ATP2C2: variants seen among roughly 807,000 people sequenced by gnomAD.
ATP2C2 encodes the protein calcium-transporting ATPase type 2C member 2.
ATP2C2 carries 171 observed loss-of-function variants against 110.8 expected under a neutral mutation model. That is an observed-to-expected ratio of 1.54 (90% CI 1.36 to 1.75). ATP2C2 has a LOEUF of 1.75. ATP2C2 is among the 40% of genes most tolerant of loss of function. The pLI is 0.00. For missense variants in ATP2C2, 1,963 were observed against 1,235.0 expected (o/e 1.59, Z -8.84); for synonymous variants, 804 against 508.4 (o/e 1.58, Z -7.82).
At chr16:84,419,641 C>G (rs945784180) in intron 7 of ATP2C2, among the ~76,000 whole-genome samples, 1 of 42,150 alleles carries the variant, frequency 2.4e-5, no homozygotes, top group African/African-American at 9.0e-5. Flanking sequence ...CCTCCCTCCT[C>G]CCTTCCCTTG....
intron 2 of ATP2C2, among the ~76,000 whole-genome samples, chr16:84,401,167 C>T (rs1905293233): frequency 6.6e-6 from 1 of 151,834 alleles, no homozygotes; most frequent in South Asian, 2.1e-4. Flanking sequence ...GGAGAGTTTC[C>T]CCGATGTTCT....
At chr16:84,416,683 C>G (rs1567708700) in intron 7 of ATP2C2, among the ~76,000 whole-genome samples, 1 of 152,278 alleles carries the variant, frequency 6.6e-6, no homozygotes, top group East Asian at 1.9e-4. Context: ...TGTTCAGTTA[C>G]CAAAGTGAGG....
chr16:84,412,355 C>CAT (rs1555557490), intron 6 of ATP2C2, among the ~76,000 whole-genome samples: 156 of 91,494 alleles, frequency 1.7e-3, no homozygotes, highest in Non-Finnish European at 1.8e-3. Flanking sequence ...TGTCTGCGTG[C>CAT]GTGTGTGCAT....
chr16:84,400,590 G>A (rs971553724), intron 2 of ATP2C2, among the ~76,000 whole-genome samples: 2 of 152,158 alleles, frequency 1.3e-5, no homozygotes, highest in African/African-American at 2.4e-5. Context: ...GCCTCCCAAA[G>A]TGCTGGGATT....
At chr16:84,373,521 G>A (rs1325417290) in intron 1 of ATP2C2, among the ~76,000 whole-genome samples, 1 of 151,452 alleles carries the variant, frequency 6.6e-6, no homozygotes, top group African/African-American at 2.4e-5. Context: ...AACAAAAAAA[G>A]AGACTGGAAA....
At chr16:84,413,884 C>A (rs143350865) in intron 6 of ATP2C2, among the ~76,000 whole-genome samples, 1 of 152,120 alleles carries the variant, frequency 6.6e-6, no homozygotes, top group African/African-American at 2.4e-5. Context: ...TGAGGTTATA[C>A]AAGTGGAAGA....
intron 1 of ATP2C2, among the ~76,000 whole-genome samples, chr16:84,373,822 G>C (rs17740111): frequency 0.17 from 25,216 of 152,142 alleles, 2,283 homozygotes; most frequent in East Asian, 0.29. Flanking sequence ...TTCATTCATC[G>C]TAAGTTCTGT....
intron 1 of ATP2C2, among the ~76,000 whole-genome samples, chr16:84,378,920 C>T (rs1400498516): frequency 6.6e-6 from 1 of 152,118 alleles, no homozygotes; most frequent in African/African-American, 2.4e-5. Context: ...TTCTCTTTTT[C>T]AGCCTCTACT....
chr16:84,375,834 T>A (rs566668622), intron 1 of ATP2C2, among the ~76,000 whole-genome samples: 1 of 152,204 alleles, frequency 6.6e-6, no homozygotes, highest in South Asian at 2.1e-4. Flanking sequence ...CAGCCACAAA[T>A]ATGGTTTAAT....
In ATP2C2 at chr16:84,446,414, G is replaced by A. The variant is rs1478654271; in HGVS notation, c.1487G>A (p.Cys496Tyr). 1 of 1,603,576 alleles carries A rather than the reference G, an allele frequency of 6.2e-7. No homozygotes were observed. The highest frequency in any genetic ancestry group is 8.5e-7 in the Non-Finnish European group (1 of 1,175,596). The change falls in exon 16 of 27, where the codon TGC (cysteine) becomes TAC (tyrosine). Residue 496 changes from cysteine (C) to tyrosine (Y), a missense_variant. Cys to Tyr is a radical substitution (Grantham distance 194). Transcript: ENST00000262429. ...SSEQKWMAVKCSLKTEDQEDI... is the reference protein window; with the variant it reads ...SSEQKWMAVKYSLKTEDQEDI... ...GAGCAGAAGTGGATGGCGGTGAAAT[G>A]CAGTCTGAAGACTGAGGTGAGACCT...
In ATP2C2 at chr16:84,463,811, G is replaced by A; in HGVS notation, c.*79G>A. Reference sequence around the variant, plus strand: ...GGCCCCTGCCGTGTCTCCTCGTCAGGGGAGACTTTTAGGAGGCCGCAGCCT... The same window carrying A: ...GGCCCCTGCCGTGTCTCCTCGTCAGAGGAGACTTTTAGGAGGCCGCAGCCT... On this transcript the variant is annotated 3_prime_UTR_variant, in exon 27 of 27. Coordinates refer to ENST00000262429, the MANE Select transcript of ATP2C2 (RefSeq NM_014861.4). The A allele has an allele frequency of 6.1e-6, 8 of 1,303,962 alleles. No homozygotes were observed. Among genetic ancestry groups the A allele is most frequent in the Non-Finnish European group, 8.8e-6 (8 of 906,174 alleles). The allele number at this position is 1,303,962 out of a possible 1,614,324, so 80.8% of individuals were successfully genotyped here.
chr16:84,441,732 C>G (rs907736233), intron 14 of ATP2C2, among the ~76,000 whole-genome samples: 1 of 152,180 alleles, frequency 6.6e-6, no homozygotes, highest in Non-Finnish European at 1.5e-5. Context: ...ACCAGCCTGG[C>G]CCACGTGGTG....
At chr16:84,407,598 G>A (rs1327106367) in intron 3 of ATP2C2, 2 of 152,198 alleles carry the variant, frequency 1.3e-5, no homozygotes, top group Non-Finnish European at 2.9e-5. Flanking sequence ...AGCCTTCTGA[G>A]TAGTTGGGAC....
intron 10 of ATP2C2, among the ~76,000 whole-genome samples, 167 bp from the exon 11 acceptor site, chr16:84,425,568 T>C (rs184451990): frequency 2.0e-5 from 3 of 152,310 alleles, no homozygotes; most frequent in African/African-American, 7.2e-5. Flanking sequence ...GGTATAAACG[T>C]ATCTCCCTTA....
At chr16:84,419,623 C>G (rs1256807798) in intron 7 of ATP2C2, among the ~76,000 whole-genome samples, 1 of 113,978 alleles carries the variant, frequency 8.8e-6, no homozygotes, top group Non-Finnish European at 1.9e-5. Context: ...CAGCCCTTTT[C>G]CAGGTCTCCT....
chr16:84,410,134 G>A (rs540383540), intron 4 of ATP2C2, among the ~76,000 whole-genome samples: 8 of 152,212 alleles, frequency 5.3e-5, no homozygotes, highest in African/African-American at 1.4e-4. Flanking sequence ...GCTTGAAACC[G>A]GGAGGCGGAG....
Position 84,438,758 on chromosome 16 carries a change from A to G in ATP2C2, c.987-408A>G, listed in dbSNP as rs530635047. On this transcript the variant is annotated intron_variant, in intron 11 of 26. Coordinates refer to ENST00000262429, the MANE Select transcript of ATP2C2 (RefSeq NM_014861.4). Reference sequence around the variant, plus strand: ...CTACACTCATGAAAAGTGAAATTCAAGGGACTCACGAGGACCCCTGGAACC... The same window carrying G: ...CTACACTCATGAAAAGTGAAATTCAGGGGACTCACGAGGACCCCTGGAACC... Among the ~76,000 whole-genome samples the G allele has an allele frequency of 2.5e-4, 38 of 152,318 alleles. No homozygotes were observed. In the South Asian group the frequency reaches 6.8e-3, roughly 27 times the overall value.
rs540227947 is a variant in ATP2C2 at position 84,422,626 on chromosome 16, C to T, written c.775-3C>T. The T allele has an allele frequency of 6.2e-7, 1 of 1,612,716 alleles. No homozygotes were observed. On this transcript the variant is annotated splice_region_variant and splice_polypyrimidine_tract_variant and intron_variant, in intron 8 of 26. Coordinates refer to ENST00000262429, the MANE Select transcript of ATP2C2 (RefSeq NM_014861.4). The stretch of plus-strand genomic sequence containing the variant: ...TTCATACTTCTCTCTCTCCTGGACA[C>T]AGGGGGTCGTGATTGGAACAGGGGA...
At position 84,451,918 on chromosome 16, in the gene ATP2C2, C is replaced by G; in HGVS notation, c.1661-3C>G. On this transcript the variant is annotated splice_polypyrimidine_tract_variant and splice_region_variant and intron_variant, in intron 17 of 26. Coordinates refer to ENST00000262429, the MANE Select transcript of ATP2C2 (RefSeq NM_014861.4). ...CCCCTCCTTACTCCCCCTCTCTCCT[C>G]AGTGCTGGCCCTGGCTTCTGGGCCC... 1 of 1,612,628 alleles carries G rather than the reference C, an allele frequency of 6.2e-7. No individual in the cohort carries two copies. Among genetic ancestry groups the G allele is most frequent in the Non-Finnish European group, 8.5e-7 (1 of 1,179,554 alleles).
Sources: allele counts gnomAD v4.1 joint callset (sites outside exome capture counted in the v4.1 genomes callset), GRCh38; gene constraint gnomAD v4.1.1; transcripts MANE v1.5; gene names NCBI Gene and HGNC (gene_info 2026-07-23, HGNC 2026-07-21).